The following FHOD3 variants were observed in gnomAD, a reference collection of about 807,000 sequenced individuals.
FHOD3 encodes FH1/FH2 domain-containing protein 3.
Under a neutral mutation model 173.0 loss-of-function variants are expected in FHOD3, and 90 were observed. The observed-to-expected ratio is 0.52, with a 90% CI of 0.44 to 0.62. The LOEUF is 0.62. FHOD3 is among the 20% of genes least tolerant of loss of function. FHOD3 has a pLI of 0.00. For synonymous variants in FHOD3, 828 were observed against 823.0 expected, an observed-to-expected ratio of 1.01 and a Z score of -0.10; for missense variants, 1,945 against 2,034.7, an observed-to-expected ratio of 0.96 and a Z score of 0.85.
intron 6 of FHOD3, among the ~76,000 whole-genome samples, chr18:36,584,096 A>G (rs1379824601): frequency 2.0e-5 from 3 of 152,140 alleles, no homozygotes; most frequent in African/African-American, 7.2e-5. Flanking sequence ...CCAAAGTGCT[A>G]AGAATACAGG....
intron 3 of FHOD3, among the ~76,000 whole-genome samples, chr18:36,465,474 G>T (rs562015351): frequency 6.6e-6 from 1 of 152,186 alleles, no homozygotes; most frequent in Admixed American, 6.5e-5. Flanking sequence ...TCTGCAAAGC[G>T]CAGGGGTGGG....
In FHOD3 at chr18:36,427,762, G is replaced by A. The variant is rs531879478; in HGVS notation, c.337+55018G>A. Among the ~76,000 whole-genome samples, 7 of 152,178 alleles carry A rather than the reference G, an allele frequency of 4.6e-5. No homozygotes were observed. In the South Asian group the frequency reaches 6.2e-4, roughly 14 times the overall value. ...TACACCCAGTCAGTGTTTATGAAATGGGTAGATGGATGGATGAATGGATAT... is the reference window on the plus strand; with the variant it reads ...TACACCCAGTCAGTGTTTATGAAATAGGTAGATGGATGGATGAATGGATAT... On this transcript the variant is annotated intron_variant, in intron 3 of 28. Transcript: ENST00000590592.
At chr18:36,740,537 C>T (rs1050562819) in intron 20 of FHOD3, 119 bp from the exon 21 acceptor site, 3 of 1,029,922 alleles carry the variant, frequency 2.9e-6, no homozygotes, top group Non-Finnish European at 4.3e-6. Flanking sequence ...GACAATATAA[C>T]ACCTGTACAT....
At chr18:36,538,141 T>A (rs1453123675) in intron 5 of FHOD3, among the ~76,000 whole-genome samples, 1 of 152,076 alleles carries the variant, frequency 6.6e-6, no homozygotes, top group East Asian at 1.9e-4. Flanking sequence ...AAATATAGAA[T>A]TGAGTGAAAA....
At chr18:36,554,441 A>T (rs576037135) in intron 5 of FHOD3, among the ~76,000 whole-genome samples, 2 of 144,916 alleles carry the variant, frequency 1.4e-5, no homozygotes, top group Admixed American at 6.9e-5. Flanking sequence ...AACAATGAGA[A>T]CACATGGACA....
At chr18:36,534,954 G>T (rs1432548979) in intron 5 of FHOD3, among the ~76,000 whole-genome samples, 1 of 152,204 alleles carries the variant, frequency 6.6e-6, no homozygotes, top group Admixed American at 6.5e-5. Flanking sequence ...AGGCCCTACT[G>T]GGCCAGTCTG....
At chr18:36,705,770 G>T (rs995058648) in intron 17 of FHOD3, among the ~76,000 whole-genome samples, 16 of 152,168 alleles carry the variant, frequency 1.1e-4, no homozygotes. Context: ...ATTCCTAGGA[G>T]GGAAACAAGC....
Position 36,501,951 on chromosome 18 carries a change from C to T in FHOD3, c.357C>T (p.Ser119=), listed in dbSNP as rs758249102. The T allele has an allele frequency of 4.1e-5, 66 of 1,603,412 alleles. No homozygotes were observed. The highest frequency in any genetic ancestry group is 1.5e-4 in the South Asian group (13 of 88,806). ...TTTCAGAAAAACTATACAACTCCAG[C>T]GGACGAGATTTGAGAAGGGCCCTCT... ...HACIEKLYNS[S]GRDLRRALFS... Residue 119 remains serine, a synonymous_variant, in exon 4 of 29, where the codon AGC becomes AGT. Coordinates refer to ENST00000590592, the MANE Select transcript of FHOD3 (RefSeq NM_001281740.3).
chr18:36,432,193 T>A (rs567019975), intron 3 of FHOD3, among the ~76,000 whole-genome samples: 13 of 152,310 alleles, frequency 8.5e-5, no homozygotes, highest in Non-Finnish European at 8.8e-5. Flanking sequence ...TGATTACTCT[T>A]TATTTTTGCC....
intron 17 of FHOD3, among the ~76,000 whole-genome samples, chr18:36,699,733 C>T (rs1453670448): frequency 1.3e-5 from 2 of 152,244 alleles, no homozygotes; most frequent in African/African-American, 4.8e-5. Context: ...GCAAGACACA[C>T]TCACGTTGAC....
chr18:36,566,287 C>G (rs1169400226), intron 5 of FHOD3, among the ~76,000 whole-genome samples: 7 of 152,144 alleles, frequency 4.6e-5, no homozygotes, highest in African/African-American at 1.2e-4. Context: ...TAATGTATCT[C>G]TAAGAAAACA....
chr18:36,772,805 GA>G (rs1298720635), intron 28 of FHOD3, among the ~76,000 whole-genome samples: 1 of 152,232 alleles, frequency 6.6e-6, no homozygotes, highest in Non-Finnish European at 1.5e-5. Context: ...TCTAGCCTGT[GA>G]AATGGCTGAT....
chr18:36,635,720 A>G (rs1244879497), intron 10 of FHOD3, among the ~76,000 whole-genome samples: 1 of 152,214 alleles, frequency 6.6e-6, no homozygotes, highest in Non-Finnish European at 1.5e-5. Context: ...GGAAATTCCC[A>G]TAGTCAGTTG....
At chr18:36,732,800 G>C (rs1372471247) in intron 20 of FHOD3, among the ~76,000 whole-genome samples, 1 of 152,178 alleles carries the variant, frequency 6.6e-6, no homozygotes, top group Non-Finnish European at 1.5e-5. Context: ...GATGAGCAGG[G>C]CAGTGGCCTG....
chr18:36,317,570 T>C (rs760969336), intron 1 of FHOD3, among the ~76,000 whole-genome samples: 1 of 152,096 alleles, frequency 6.6e-6, no homozygotes, highest in Non-Finnish European at 1.5e-5. Flanking sequence ...TTTGATGGGG[T>C]TGTTTGTTTT....
At chr18:36,746,625 ATCT>A (rs150348247) in intron 23 of FHOD3, among the ~76,000 whole-genome samples, 2,268 of 152,216 alleles carry the variant, frequency 0.015, 45 homozygotes, top group African/African-American at 0.052. Flanking sequence ...TTTATGAGAC[ATCT>A]TCTTAGTTCA....
At chr18:36,588,616 A>G (rs2059116537) in intron 6 of FHOD3, among the ~76,000 whole-genome samples, 1 of 152,106 alleles carries the variant, frequency 6.6e-6, no homozygotes, top group Non-Finnish European at 1.5e-5. Flanking sequence ...GAATTTGAAG[A>G]TTTTTTGGAA....
intron 3 of FHOD3, among the ~76,000 whole-genome samples, chr18:36,378,280 C>T (rs1286272044): frequency 1.3e-5 from 2 of 152,172 alleles, no homozygotes; most frequent in African/African-American, 4.8e-5. Context: ...AAAAAACCTC[C>T]TCTCCTTTAT....
chr18:36,518,175 G>C (rs2056091366), intron 5 of FHOD3, among the ~76,000 whole-genome samples: 1 of 152,180 alleles, frequency 6.6e-6, no homozygotes, highest in Admixed American at 6.5e-5. Context: ...CCCAAGGTGA[G>C]GAAATGGGAG....
Sources: allele counts gnomAD v4.1 joint callset (sites outside exome capture counted in the v4.1 genomes callset), GRCh38; gene constraint gnomAD v4.1.1; transcripts MANE v1.5; gene names NCBI Gene and HGNC (gene_info 2026-07-23, HGNC 2026-07-21).